Variants in MGAM2 observed in about 807,000 individuals in gnomAD.
MGAM2 encodes maltase-glucoamylase 2 (putative).
MGAM2 carries 98 observed loss-of-function variants against 96.1 expected under a neutral mutation model. The observed-to-expected ratio is 1.02, with a 90% CI of 0.87 to 1.21. The LOEUF is 1.21. Among genes scored for constraint, MGAM2 ranks in the 50% most tolerant of loss-of-function variants. The pLI, the probability that MGAM2 is intolerant of heterozygous loss-of-function variation, is 0.00. For missense variants in MGAM2, 2,055 were observed against 1,182.4 expected, an observed-to-expected ratio of 1.74 and a Z score of -10.82; for synonymous variants, 749 against 414.8, an observed-to-expected ratio of 1.81 and a Z score of -9.79.
intron 2 of MGAM2, among the ~76,000 whole-genome samples, chr7:142,118,621 G>A (rs180943767): frequency 3.3e-4 from 51 of 152,282 alleles, no homozygotes; most frequent in African/African-American, 1.2e-3. Context: ...AGTAAGAATA[G>A]CCAATGTTGA....
At chr7:142,153,400 G>A (rs1223090704) in intron 15 of MGAM2, among the ~76,000 whole-genome samples, 1 of 152,184 alleles carries the variant, frequency 6.6e-6, no homozygotes, top group Non-Finnish European at 1.5e-5. Flanking sequence ...TTTATAGAAA[G>A]TATCAGATGC....
At position 142,148,516 on chromosome 7, in the gene MGAM2, C is replaced by A. The variant is rs1795458392; in HGVS notation, c.1634+943C>A. 6.6e-6 allele frequency among the ~76,000 whole-genome samples: 1 copy of A among 152,222 alleles called. No homozygotes were observed. On this transcript the variant is annotated intron_variant, in intron 15 of 47. Coordinates refer to ENST00000477922, the MANE Select transcript of MGAM2 (RefSeq NM_001293626.2). The surrounding 1 kb of genome is among the most constrained non-coding windows in gnomAD (Gnocchi z 4.2). ...GACAAATGTGTTCTGCAAATCATAA[C>A]ATCCTTTATATCTTGTCATGTAGAT...
At chr7:142,152,947 A>C (rs1409837003) in intron 15 of MGAM2, among the ~76,000 whole-genome samples, 1 of 151,310 alleles carries the variant, frequency 6.6e-6, no homozygotes, top group African/African-American at 2.4e-5. Flanking sequence ...CCCTGAAGTA[A>C]TTACCATTCT....
At chr7:142,217,527 T>A (rs974680861) in intron 46 of MGAM2, among the ~76,000 whole-genome samples, 1 of 152,154 alleles carries the variant, frequency 6.6e-6, no homozygotes, top group African/African-American at 2.4e-5. Context: ...ATAAACTTAT[T>A]TGTGGCATTA....
Position 142,161,979 on chromosome 7 carries a change from T to G in MGAM2, c.2459T>G (p.Ile820Ser). ...GATGCTGTGACTGAAAAGAAGTATA[T>G]TCTATATGATTTCTCTGTTACCTCT... ...SKDAVTEKKY[I>S]LYDFSVTSNH... Residue 820 changes from isoleucine (I) to serine (S), a missense_variant, in exon 23 of 48, where the codon ATT (isoleucine) becomes AGT (serine). Physicochemically the swap from Ile to Ser is moderately radical, Grantham distance 142. Transcript: ENST00000477922. 1 of 697,592 alleles carries G rather than the reference T, an allele frequency of 1.4e-6. No individual in the cohort carries two copies. Among genetic ancestry groups the G allele is most frequent in the Non-Finnish European group, 2.6e-6 (1 of 383,100 alleles). The allele number at this position is 697,592 out of a possible 1,614,324, so 43.2% of individuals were successfully genotyped here.
chr7:142,207,465 G>T (rs1048611270), intron 45 of MGAM2, among the ~76,000 whole-genome samples: 1 of 151,184 alleles, frequency 6.6e-6, no homozygotes, highest in South Asian at 2.1e-4. Context: ...TCACTCTGTC[G>T]CCCAGGCTGG....
chr7:142,133,823 A>G (rs1215035602), intron 6 of MGAM2, among the ~76,000 whole-genome samples, 158 bp from the exon 7 acceptor site: 1 of 152,178 alleles, frequency 6.6e-6, no homozygotes, highest in Non-Finnish European at 1.5e-5. Context: ...AGAATTAAAG[A>G]ACCAGAGGTG....
At chr7:142,164,371 A>G (rs1795970886) in intron 23 of MGAM2, among the ~76,000 whole-genome samples, 1 of 152,180 alleles carries the variant, frequency 6.6e-6, no homozygotes, top group South Asian at 2.1e-4. Flanking sequence ...TGCCGTGAAA[A>G]CTGAATGAAG....
intron 3 of MGAM2, among the ~76,000 whole-genome samples, chr7:142,122,116 A>G (rs1032703852): frequency 1.1e-4 from 16 of 152,210 alleles, no homozygotes; most frequent in African/African-American, 3.6e-4. Flanking sequence ...AAACAAGTTT[A>G]CAATAATACT....
chr7:142,132,657 A>AATTATAATAAATATATTAATTAT (rs1794928249), intron 6 of MGAM2, among the ~76,000 whole-genome samples: 3 of 127,310 alleles, frequency 2.4e-5, no homozygotes, highest in African/African-American at 9.4e-5. Flanking sequence ...GTTATAATTA[A>AATTATAATAAATATATTAATTAT]AATATAATAA....
intron 13 of MGAM2, 84 bp from the exon 14 acceptor site, chr7:142,144,777 T>A (rs1795335279): frequency 1.7e-6 from 1 of 604,106 alleles, no homozygotes; most frequent in Non-Finnish European, 3.0e-6. Flanking sequence ...CCAGATATCC[T>A]GGCTCCTAGT....
rs1406138522 is a variant in MGAM2, at chr7:142,114,158, GA to G, written c.-1+2354del. Among the ~76,000 whole-genome samples the G allele has an allele frequency of 1.8e-3, 123 of 70,268 alleles. 3 individuals are homozygous for G. Among genetic ancestry groups the G allele is most frequent in the African/African-American group, 0.011 (115 of 10,840 alleles). The allele number at this position is 70,268 out of a possible 152,430, so 46.1% of individuals were successfully genotyped here. On this transcript the variant is annotated intron_variant, in intron 1 of 47. Coordinates refer to ENST00000477922, the MANE Select transcript of MGAM2 (RefSeq NM_001293626.2). ...AAAAAGAAAGAAAGAAAGAAGGAAA[GA>G]AAGAAAGAAAGAAAGAAAGAAAGAA...
At chr7:142,194,999 A>G (rs1028489176) in intron 37 of MGAM2, among the ~76,000 whole-genome samples, 3 of 152,158 alleles carry the variant, frequency 2.0e-5, no homozygotes, top group Non-Finnish European at 4.4e-5. Context: ...TCCATCTTCC[A>G]CTGAAAGATA....
chr7:142,133,112 T>G (rs562002652), intron 6 of MGAM2, among the ~76,000 whole-genome samples: 190 of 137,238 alleles, frequency 1.4e-3, no homozygotes, highest in Non-Finnish European at 2.4e-3. Flanking sequence ...TAATTTATAT[T>G]TAATATAAAT....
intron 2 of MGAM2, among the ~76,000 whole-genome samples, chr7:142,118,042 C>T (rs756857101): frequency 9.0e-4 from 137 of 151,996 alleles, no homozygotes; most frequent in Non-Finnish European, 2.4e-4. Flanking sequence ...CATCTACCCT[C>T]TTACTGGATT....
intron 23 of MGAM2, among the ~76,000 whole-genome samples, chr7:142,164,288 A>G (rs1795967866): frequency 6.6e-6 from 1 of 152,128 alleles, no homozygotes; most frequent in Non-Finnish European, 1.5e-5. Flanking sequence ...TCCCTAAATA[A>G]GTTATTTAAT....
intron 31 of MGAM2, among the ~76,000 whole-genome samples, chr7:142,174,979 G>T (rs535849956): frequency 6.6e-6 from 1 of 151,938 alleles, no homozygotes; most frequent in Non-Finnish European, 1.5e-5. Flanking sequence ...TCGGCCTCCC[G>T]AAGTGCTGAG....
At chr7:142,161,432 C>A (rs550576589) in intron 22 of MGAM2, among the ~76,000 whole-genome samples, 33 of 152,290 alleles carry the variant, frequency 2.2e-4, no homozygotes, top group African/African-American at 7.2e-4. Context: ...CTGACTCTAC[C>A]AAAGCAACTG....
chr7:142,135,205 C>A (rs1252071717), intron 7 of MGAM2, among the ~76,000 whole-genome samples: 4 of 152,326 alleles, frequency 2.6e-5, no homozygotes, highest in African/African-American at 9.6e-5. Context: ...TGTAGCCCAG[C>A]TACCAGCATC....
Sources: allele counts gnomAD v4.1 joint callset (sites outside exome capture counted in the v4.1 genomes callset), GRCh38; gene constraint gnomAD v4.1.1; non-coding constraint Gnocchi (gnomAD v3.1); transcripts MANE v1.5; gene names NCBI Gene and HGNC (gene_info 2026-07-23, HGNC 2026-07-21).